NANOGNB: variants seen among roughly 807,000 people sequenced by gnomAD.
The protein encoded by NANOGNB is NANOG neighbor homeobox.
Under a neutral mutation model 25.0 loss-of-function variants are expected in NANOGNB, and 30 were observed. The ratio of observed to expected loss-of-function variants is 1.20; its 90% CI spans 0.90 to 1.63. NANOGNB has a LOEUF of 1.63. Among genes scored for constraint, NANOGNB ranks in the 40% most tolerant of loss-of-function variants. The probability of loss-of-function intolerance (pLI) is 0.00; values close to 1 mark genes in which losing one functional copy is unlikely to be tolerated. For synonymous variants in NANOGNB, 84 were observed against 62.1 expected (o/e 1.35, Z -1.66); for missense variants, 200 against 188.1 (o/e 1.06, Z -0.37).
chr12:7,767,096 T>C (rs1461019748), intron 1 of NANOGNB, among the ~76,000 whole-genome samples: 2 of 152,154 alleles, frequency 1.3e-5, no homozygotes, highest in Non-Finnish European at 2.9e-5. Flanking sequence ...CTGCCTTGGC[T>C]TCCCAAAATG....
intron 1 of NANOGNB, among the ~76,000 whole-genome samples, chr12:7,769,636 C>T (rs1865274448): frequency 1.3e-5 from 2 of 152,028 alleles, no homozygotes; most frequent in South Asian, 4.2e-4. Context: ...AAGTGATCCT[C>T]CTGCCTCAGC....
At chr12:7,766,309 C>T (rs1293786391) in intron 1 of NANOGNB, 1 of 390,980 alleles carries the variant, frequency 2.6e-6, no homozygotes. Context: ...CCCATCTCCA[C>T]CAAAAATACA....
intron 1 of NANOGNB, among the ~76,000 whole-genome samples, chr12:7,769,668 C>T (rs772282244): frequency 7.2e-5 from 11 of 151,942 alleles, no homozygotes; most frequent in African/African-American, 1.2e-4. Context: ...CATGGGGCTA[C>T]GGGCACGTGC....
At chr12:7,767,055 G>C (rs1043348087) in intron 1 of NANOGNB, among the ~76,000 whole-genome samples, 12 of 152,296 alleles carry the variant, frequency 7.9e-5, no homozygotes, top group African/African-American at 2.9e-4. Context: ...TGGCCAAGCT[G>C]GTCTCAAACT....
chr12:7,772,122 G>A lies in NANOGNB; in HGVS notation c.515+1604G>A, dbSNP rs762233022. Among the ~76,000 whole-genome samples the A allele has an allele frequency of 2.2e-4, 33 of 152,296 alleles. No homozygotes were observed. In the South Asian group the frequency reaches 6.4e-3, roughly 30 times the overall value. ...CAGTATCAGAGTTGTGCAAAACAAT[G>A]CAGTCAAGCCATGGGTGGAGCAATG... On this transcript the variant is annotated intron_variant, in intron 3 of 3. Coordinates refer to ENST00000382119, the MANE Select transcript of NANOGNB (RefSeq NM_001145465.1).
At chr12:7,765,568 T>TAAAAAAAAAAAAAAAAAAAA (rs1170282407) in intron 1 of NANOGNB, among the ~76,000 whole-genome samples, 181 bp downstream of exon 1, 1 of 67,244 alleles carries the variant, frequency 1.5e-5, no homozygotes, top group Non-Finnish European at 2.8e-5. Context: ...AGACTCCGTC[T>TAAAAAAAAAAAAAAAAAAAA]CAAAAAAAAA....
intron 3 of NANOGNB, among the ~76,000 whole-genome samples, chr12:7,770,770 G>A (rs1286765798): frequency 1.3e-5 from 2 of 152,046 alleles, no homozygotes; most frequent in Non-Finnish European, 2.9e-5. Context: ...GCGCCACCAC[G>A]CCCAGCTAAT....
chr12:7,773,711 G>GT, intron 3 of NANOGNB, 89 bp from the exon 4 acceptor site: 1 of 513,216 alleles, frequency 1.9e-6, no homozygotes, highest in Non-Finnish European at 3.4e-6. Context: ...GGTGACAAGA[G>GT]TGAAACTCCA....
intron 3 of NANOGNB, among the ~76,000 whole-genome samples, chr12:7,770,860 C>A (rs1421364469): frequency 6.6e-6 from 1 of 152,186 alleles, no homozygotes; most frequent in Non-Finnish European, 1.5e-5. Context: ...GATCCACCAG[C>A]CTGGGCCTTC....
intron 1 of NANOGNB, among the ~76,000 whole-genome samples, chr12:7,766,833 T>TTTG (rs1030574853): frequency 6.6e-6 from 1 of 151,824 alleles, no homozygotes; most frequent in Non-Finnish European, 1.5e-5. Flanking sequence ...TGGCCTTTGT[T>TTTG]TTGTTGTTGT....
chr12:7,770,376 T>G (rs1286518838), intron 2 of NANOGNB, 61 bp downstream of exon 2: 2 of 1,524,280 alleles, frequency 1.3e-6, no homozygotes, highest in African/African-American at 2.8e-5. Flanking sequence ...ATAGTACTAT[T>G]GCTATATAGA....
chr12:7,768,523 CTT>C (rs150583466), intron 1 of NANOGNB, among the ~76,000 whole-genome samples: 2 of 144,102 alleles, frequency 1.4e-5, no homozygotes, highest in Non-Finnish European at 3.1e-5. Context: ...TTCTTTCTTT[CTT>C]TTTTTTTTTT....
chr12:7,769,967 G>C lies in NANOGNB; in HGVS notation c.103-16G>C. The C allele has an allele frequency of 6.8e-7, 1 of 1,479,844 alleles. No homozygotes were observed. The allele number at this position is 1,479,844 out of a possible 1,614,324, so 91.7% of individuals were successfully genotyped here. ...TAGCTGCAGCTTGATTTTATTCCAC[G>C]GATCTTTTTATACAGAAACAATCAG... is the stretch of plus-strand genomic sequence containing the variant. On this transcript the variant is annotated splice_polypyrimidine_tract_variant and intron_variant, in intron 1 of 3. Coordinates refer to ENST00000382119, the MANE Select transcript of NANOGNB (RefSeq NM_001145465.1).
chr12:7,767,082 C>T (rs1865252663), intron 1 of NANOGNB, among the ~76,000 whole-genome samples: 1 of 152,210 alleles, frequency 6.6e-6, no homozygotes, highest in Non-Finnish European at 1.5e-5. Context: ...CTCAGGTGAT[C>T]TGCCTGCCTT....
At chr12:7,773,340 G>A (rs1426537185) in intron 3 of NANOGNB, among the ~76,000 whole-genome samples, 1 of 151,516 alleles carries the variant, frequency 6.6e-6, no homozygotes, top group African/African-American at 2.4e-5. Context: ...ATGTATTTTA[G>A]AAAGATTACT....
intron 1 of NANOGNB, chr12:7,765,948 A>G: frequency 7.7e-6 from 3 of 391,822 alleles, no homozygotes; most frequent in Non-Finnish European, 1.3e-5. Context: ...GATTAGAGCT[A>G]CATGTAAAGG....
intron 1 of NANOGNB, among the ~76,000 whole-genome samples, chr12:7,769,246 A>G (rs1592110104): frequency 1.3e-5 from 2 of 151,206 alleles, no homozygotes; most frequent in Non-Finnish European, 1.5e-5. Context: ...TGCAACCTCC[A>G]CCCACCGGGT....
rs1865283895 is a variant in NANOGNB, at chr12:7,770,529, G to GT, written c.515+14dup. 2.8e-6 allele frequency: 4 copies of GT among 1,422,764 alleles called. No homozygotes were observed. In the East Asian group the frequency reaches 1.0e-4, roughly 36 times the overall value. The allele number at this position is 1,422,764 out of a possible 1,614,324, so 88.1% of individuals were successfully genotyped here. On this transcript the variant is annotated intron_variant, in intron 3 of 3. Transcript: ENST00000382119. ...GAAAAAACATATGAGGTAAGAAAGT[G>GT]TTTCTTGTAAAATAAAAGGAAGTAG... is the stretch of plus-strand genomic sequence containing the variant.
chr12:7,770,017 A>G lies in NANOGNB; in HGVS notation c.137A>G (p.Glu46Gly). Residue 46 changes from glutamate (E) to glycine (G), a missense_variant, in exon 2 of 4, where the codon GAA becomes GGA. By Grantham distance (98) the Glu-to-Gly change is moderately conservative (BLOSUM62 -2). Coordinates refer to ENST00000382119, the MANE Select transcript of NANOGNB (RefSeq NM_001145465.1). ...GCTATGCCTTGGGATCAAGATCCAG[A>G]ACAATCAACTGGAAATTACAGTGAA... ...QSAMPWDQDP[E>G]QSTGNYSEDE... 1 of 1,528,632 alleles carries G rather than the reference A, an allele frequency of 6.5e-7. No individual in the cohort carries two copies. The highest frequency in any genetic ancestry group is 8.8e-7 in the Non-Finnish European group (1 of 1,141,616). The allele number at this position is 1,528,632 out of a possible 1,614,324, so 94.7% of individuals were successfully genotyped here. A position where few individuals can be genotyped will look rare whatever the true frequency, so the allele number is the denominator to read the frequency against.
Sources: allele counts gnomAD v4.1 joint callset (sites outside exome capture counted in the v4.1 genomes callset), GRCh38; gene constraint gnomAD v4.1.1; transcripts MANE v1.5; gene names NCBI Gene and HGNC (gene_info 2026-07-23, HGNC 2026-07-21).